NR4A2: variants seen among roughly 807,000 people sequenced by gnomAD.
The protein encoded by NR4A2 is NGFI-B/nur77 beta-type transcription factor homolog.
In NR4A2, 1 loss-of-function variant was observed where a neutral mutation model predicts 50.5. The observed-to-expected ratio is 0.02, with a 90% CI of 0.01 to 0.09. NR4A2 has a LOEUF of 0.09. NR4A2 is among the 10% of genes least tolerant of loss of function. NR4A2 has a pLI of 1.00. For synonymous variants in NR4A2, 328 were observed against 309.4 expected, an observed-to-expected ratio of 1.06 and a Z score of -0.63; for missense variants, 613 against 777.3, an observed-to-expected ratio of 0.79 and a Z score of 2.51.
intron 1 of NR4A2, among the ~76,000 whole-genome samples, chr2:156,331,167 A>C (rs1014159175): frequency 7.2e-5 from 11 of 152,170 alleles, no homozygotes. Context: ...AAAATACAGC[A>C]TTGGAACCTT....
At position 156,329,205 on chromosome 2, in the gene NR4A2, G is replaced by T; in HGVS notation, c.864+118C>A. ...GGGCAGCTTCGGCGGACCCCGGAGA[G>T]CTGGGCAGTCCCGGGAGAGCTGGGG... is the stretch of plus-strand genomic sequence containing the variant. On this transcript the variant is annotated intron_variant, in intron 3 of 7. Coordinates refer to ENST00000339562, the MANE Select transcript of NR4A2 (RefSeq NM_006186.4). The surrounding 1 kb of genome is among the most constrained non-coding windows in gnomAD (Gnocchi z 7.5). 1 of 1,424,912 alleles carries T rather than the reference G, an allele frequency of 7.0e-7. No individual in the cohort carries two copies. Among genetic ancestry groups the T allele is most frequent in the Non-Finnish European group, 9.6e-7 (1 of 1,040,522 alleles). The allele number at this position is 1,424,912 out of a possible 1,614,324, so 88.3% of individuals were successfully genotyped here. A position where few individuals can be genotyped will look rare whatever the true frequency, so the allele number is the denominator to read the frequency against.
Position 156,326,672 on chromosome 2 carries a change from T to C in NR4A2, c.1361+46A>G. 1 of 1,588,964 alleles carries C rather than the reference T, an allele frequency of 6.3e-7. No individual in the cohort carries two copies. The highest frequency in any genetic ancestry group is 8.6e-7 in the Non-Finnish European group (1 of 1,164,568). On this transcript the variant is annotated intron_variant, in intron 6 of 7. Coordinates refer to ENST00000339562, the MANE Select transcript of NR4A2 (RefSeq NM_006186.4). This position sits in a 1 kb window ranked among gnomAD's most constrained non-coding sequence, Gnocchi z 4.2. ...TCCTCCCTTTCTTTTCCTTTCTTGA[T>C]TTCTCTCACAGCCTCCCTGGATTGT...
Position 156,328,134 on chromosome 2 carries a change from G to A in NR4A2, c.995-120C>T. The A allele has an allele frequency of 7.4e-7, 1 of 1,356,726 alleles. No individual in the cohort carries two copies. Among genetic ancestry groups the A allele is most frequent in the Non-Finnish European group, 1.0e-6 (1 of 976,690 alleles). The allele number at this position is 1,356,726 out of a possible 1,614,324, so 84.0% of individuals were successfully genotyped here. A position where few individuals can be genotyped will look rare whatever the true frequency, so the allele number is the denominator to read the frequency against. The stretch of plus-strand genomic sequence containing the variant: ...CCAGGCTGAGCGGCTGAGGGCCCCA[G>A]TGCTTGTAAAGCCTTCACTGACTAG... On this transcript the variant is annotated intron_variant, in intron 4 of 7. Transcript: ENST00000339562. This position sits in a 1 kb window ranked among gnomAD's most constrained non-coding sequence, Gnocchi z 4.9.
rs1686741580 is a variant in NR4A2, at chr2:156,328,157, T to A, written c.995-143A>T. 1 of 1,179,016 alleles carries A rather than the reference T, an allele frequency of 8.5e-7. No individual in the cohort carries two copies. Among genetic ancestry groups the A allele is most frequent in the Non-Finnish European group, 1.2e-6 (1 of 822,032 alleles). 73.0% of individuals were successfully genotyped at this position (1,179,016 alleles called of 1,614,324 possible). ...CAGTGCTTGTAAAGCCTTCACTGAC[T>A]AGAAGCATTAAAAAATGCGGGGTTA... On this transcript the variant is annotated intron_variant, in intron 4 of 7. Coordinates refer to ENST00000339562, the MANE Select transcript of NR4A2 (RefSeq NM_006186.4). The surrounding 1 kb of genome is among the most constrained non-coding windows in gnomAD (Gnocchi z 4.9).
At chr2:156,330,335 G>T (rs763697045) in intron 2 of NR4A2, 147 bp from the exon 3 acceptor site, 13 of 976,388 alleles carry the variant, frequency 1.3e-5, no homozygotes, top group Admixed American at 2.0e-5. Context: ...GAGAGAGAAT[G>T]CTGCAGAACA....
rs576081452 is a variant in NR4A2, at chr2:156,330,716, T to C, written c.-51A>G. 1 of 1,262,994 alleles carries C rather than the reference T, an allele frequency of 7.9e-7. No homozygotes were observed. Among genetic ancestry groups the C allele is most frequent in the Admixed American group, 3.7e-5 (1 of 27,102 alleles). The allele number at this position is 1,262,994 out of a possible 1,614,324, so 78.2% of individuals were successfully genotyped here. On this transcript the variant is annotated 5_prime_UTR_variant, in exon 2 of 8. Transcript: ENST00000339562. ...TCGAGGAAATTAAAGGTGGACAGTG[T>C]CGTAATTCAATGAAGGACAAAGTTT...
rs1362146401 is a variant in NR4A2, at chr2:156,325,899, G to A, written c.1642C>T (p.Arg548Cys). ...HVTFNNGGLN[R>C]PNYLSKLLGK... The stretch of plus-strand genomic sequence containing the variant: ...AACAGTTTGGACAAATAATTGGGGC[G>A]GTTCAACCCCCCATTGTTGAAAGTC... Residue 548 changes from arginine to cysteine, a missense_variant, in exon 8 of 8, where the codon CGC (arginine) becomes TGC (cysteine). Around this residue, in one of 4 missense-constraint regions of NR4A2, gnomAD observed 250 missense variants for 311.3 expected, o/e 0.80. Transcript: ENST00000339562. 3 of 1,614,044 alleles carry A rather than the reference G, an allele frequency of 1.9e-6. No homozygotes were observed. The highest frequency in any genetic ancestry group is 1.7e-6 in the Non-Finnish European group (2 of 1,180,052).
At position 156,329,989 on chromosome 2, in the gene NR4A2, G is replaced by A. The variant is rs1353767807; in HGVS notation, c.198C>T (p.Asn66=). The A allele has an allele frequency of 6.2e-7, 1 of 1,614,216 alleles. No individual in the cohort carries two copies. The highest frequency in any genetic ancestry group is 8.5e-7 in the Non-Finnish European group (1 of 1,180,048). ...SLPSFSTFMD[N]YSTGYDVKPP... ...GCTTGACGTCGTAGCCTGTGCTGTA[G>A]TTGTCCATAAAGGTACTGAAGCTGG... Residue 66 remains asparagine (N), a synonymous_variant, in exon 3 of 8, where the codon AAC becomes AAT. Transcript: ENST00000339562. This position sits in a 1 kb window ranked among gnomAD's most constrained non-coding sequence, Gnocchi z 7.5.
chr2:156,331,543 G>A (rs1686925904), intron 1 of NR4A2, among the ~76,000 whole-genome samples: 1 of 152,186 alleles, frequency 6.6e-6, no homozygotes, highest in South Asian at 2.1e-4. Context: ...ACCAATATTA[G>A]AAGTGTTTCC....
chr2:156,325,082 TTTA>T lies in NR4A2; in HGVS notation c.*659_*661del, dbSNP rs577936871. 176 of 153,192 alleles carry T rather than the reference TTTA, an allele frequency of 1.1e-3. No homozygotes were observed. Among genetic ancestry groups the T allele is most frequent in the Non-Finnish European group, 1.7e-3 (114 of 68,370 alleles). The allele number at this position is 153,192 out of a possible 1,614,324, so 9.5% of individuals were successfully genotyped here. A position where few individuals can be genotyped will look rare whatever the true frequency, so the allele number is the denominator to read the frequency against. On this transcript the variant is annotated 3_prime_UTR_variant, in exon 8 of 8. Coordinates refer to ENST00000339562, the MANE Select transcript of NR4A2 (RefSeq NM_006186.4). ...AACATGCTTGTCCCTTTTTTATGTA[TTTA>T]TTTTCTTTTTTTTTGCAAACACACT...
intron 5 of NR4A2, among the ~76,000 whole-genome samples, chr2:156,327,471 C>T (rs1337292852): frequency 6.6e-6 from 1 of 152,112 alleles, no homozygotes; most frequent in African/African-American, 2.4e-5. Context: ...ATTAAAGCAT[C>T]TATCTCTATG....
In NR4A2 at chr2:156,332,580, G is replaced by A; in HGVS notation, c.-227C>T. On this transcript the variant is annotated 5_prime_UTR_variant, in exon 1 of 8. Transcript: ENST00000339562. Reference sequence around the variant, plus strand: ...GGGTCGGGTAGGGGTGGGAGAGCTGGGCGAAGGGAACCCGGACACCTCACG... The same window carrying A: ...GGGTCGGGTAGGGGTGGGAGAGCTGAGCGAAGGGAACCCGGACACCTCACG... 9.3e-7 allele frequency: 1 copy of A among 1,079,146 alleles called. No homozygotes were observed. The highest frequency in any genetic ancestry group is 1.3e-6 in the Non-Finnish European group (1 of 798,478). 66.8% of individuals were successfully genotyped at this position (1,079,146 alleles called of 1,614,324 possible). A position where few individuals can be genotyped will look rare whatever the true frequency, so the allele number is the denominator to read the frequency against.
At chr2:156,331,857 G>A (rs1333558678) in intron 1 of NR4A2, 1 of 152,284 alleles carries the variant, frequency 6.6e-6, no homozygotes, top group African/African-American at 2.4e-5. Context: ...TAACCCCCTG[G>A]TAGCTCCACA....
rs757815729 is a variant in NR4A2, at chr2:156,326,175, G to A, written c.1515C>T (p.Cys505=). 8 of 1,614,136 alleles carry A rather than the reference G, an allele frequency of 5.0e-6. No individual in the cohort carries two copies. Among genetic ancestry groups the A allele is most frequent in the South Asian group, 1.1e-5 (1 of 91,096 alleles). The change falls in exon 7 of 8, where the codon TGC becomes TGT. Residue 505 remains cysteine, a synonymous_variant. Transcript: ENST00000339562. This position sits in a 1 kb window ranked among gnomAD's most constrained non-coding sequence, Gnocchi z 4.2. The part of the protein sequence containing the change: ...NMNIDISAFS[C]IAALAMVTER... ...CTGTGACCATAGCCAGGGCAGCAATGCAGGAGAAGGCAGAAATGTCGATGT... is the reference window on the plus strand; with the variant it reads ...CTGTGACCATAGCCAGGGCAGCAATACAGGAGAAGGCAGAAATGTCGATGT...
rs774449864 is a variant in NR4A2, at chr2:156,326,699, TCCCTC to T, written c.1361+14_1361+18del. 6.2e-7 allele frequency: 1 copy of T among 1,612,470 alleles called. No homozygotes were observed. The highest frequency in any genetic ancestry group is 1.1e-5 in the South Asian group (1 of 91,030). On this transcript the variant is annotated intron_variant, in intron 6 of 7. Coordinates refer to ENST00000339562, the MANE Select transcript of NR4A2 (RefSeq NM_006186.4). The surrounding 1 kb of genome is among the most constrained non-coding windows in gnomAD (Gnocchi z 4.2). ...TCTCTCACAGCCTCCCTGGATTGTC[TCCCTC>T]CCTCCCTTATTACCTGTATGCTAAT...
Position 156,329,054 on chromosome 2 carries a change from G to GC in NR4A2, c.864+268dup, listed in dbSNP as rs998606983. ...TGACCCTCTTCCAACTCCGGCTCCA[G>GC]CAACTTCGGGCGGGGGCCAGCCGGG... On this transcript the variant is annotated intron_variant, in intron 3 of 7. Coordinates refer to ENST00000339562, the MANE Select transcript of NR4A2 (RefSeq NM_006186.4). This position sits in a 1 kb window ranked among gnomAD's most constrained non-coding sequence, Gnocchi z 7.5. Among the ~76,000 whole-genome samples the GC allele has an allele frequency of 6.6e-6, 1 of 152,224 alleles. No homozygotes were observed. The highest frequency in any genetic ancestry group is 2.4e-5 in the African/African-American group (1 of 41,460).
In NR4A2 at chr2:156,330,846, G is replaced by C. The variant is rs1382562184; in HGVS notation, c.-126-55C>G. On this transcript the variant is annotated intron_variant, in intron 1 of 7. Transcript: ENST00000339562. ...TTTCTTCCCGACAGAGATTCAGCTG[G>C]GCATATGTAGACTCACCAGGCAGGC... The C allele has an allele frequency of 4.8e-6, 6 of 1,238,884 alleles. No individual in the cohort carries two copies. The South Asian group carries it at 1.2e-4, about 24-fold the overall frequency. The allele number at this position is 1,238,884 out of a possible 1,614,324, so 76.7% of individuals were successfully genotyped here. A position where few individuals can be genotyped will look rare whatever the true frequency, so the allele number is the denominator to read the frequency against.
Position 156,326,625 on chromosome 2 carries a change from T to C in NR4A2, c.1361+93A>G, listed in dbSNP as rs921280777. The C allele has an allele frequency of 7.5e-5, 102 of 1,351,670 alleles. No homozygotes were observed. Among genetic ancestry groups the C allele is most frequent in the Middle Eastern group, 5.7e-4 (3 of 5,230 alleles). The allele number at this position is 1,351,670 out of a possible 1,614,324, so 83.7% of individuals were successfully genotyped here. A position where few individuals can be genotyped will look rare whatever the true frequency, so the allele number is the denominator to read the frequency against. On this transcript the variant is annotated intron_variant, in intron 6 of 7. Coordinates refer to ENST00000339562, the MANE Select transcript of NR4A2 (RefSeq NM_006186.4). This position sits in a 1 kb window ranked among gnomAD's most constrained non-coding sequence, Gnocchi z 4.2. ...CCATTTCCTATTCTGTCTTTTTCTC[T>C]ACCCCACCCTCTGGTTTCCCTTCCT...
chr2:156,330,849 A>G, intron 1 of NR4A2, 58 bp from the exon 2 acceptor site: 1 of 1,236,148 alleles, frequency 8.1e-7, no homozygotes, highest in South Asian at 4.0e-5. Flanking sequence ...TCAGCTGGGC[A>G]TATGTAGACT....
Sources: allele counts gnomAD v4.1 joint callset (sites outside exome capture counted in the v4.1 genomes callset), GRCh38; gene constraint gnomAD v4.1.1; regional missense constraint gnomAD v4.1.1; non-coding constraint Gnocchi (gnomAD v3.1); transcripts MANE v1.5; gene names NCBI Gene and HGNC (gene_info 2026-07-23, HGNC 2026-07-21).